The following BRCA2 variants were observed in gnomAD, a reference collection of about 807,000 sequenced individuals.
BRCA2 encodes breast cancer type 2 susceptibility protein.
A neutral mutation model predicts 276.7 loss-of-function variants in BRCA2; 203 were observed. The observed-to-expected ratio is 0.73, with a 90% CI of 0.65 to 0.82. BRCA2 has a LOEUF of 0.82. Ranked by LOEUF, BRCA2 falls within the 40% of genes least tolerant of loss-of-function variation. BRCA2 has a pLI of 0.00. For missense variants in BRCA2, 3,920 were observed against 3,915.0 expected (o/e 1.00, Z -0.03); for synonymous variants, 1,289 against 1,338.4 (o/e 0.96, Z 0.81).
intron 13 of BRCA2, among the ~76,000 whole-genome samples, chr13:32,353,470 A>T (rs61946964): frequency 1.3e-5 from 2 of 152,134 alleles, no homozygotes; most frequent in African/African-American, 4.8e-5. Flanking sequence ...GTAGAGACTA[A>T]AAGCCCTTGT....
In BRCA2 at chr13:32,356,612, A is replaced by G. The variant is rs1206148876; in HGVS notation, c.7617+3A>G. The G allele has an allele frequency of 1.2e-6, 2 of 1,613,904 alleles. No homozygotes were observed. Among genetic ancestry groups the G allele is most frequent in the Non-Finnish European group, 8.5e-7 (1 of 1,179,792 alleles). ...CCTCTGCGTGTTCTCATAAACAGGT[A>G]TGTGTTTGTCTACAATACTGATGGC... On this transcript the variant is annotated splice_donor_region_variant and intron_variant, in intron 15 of 26. Transcript: ENST00000380152.
At chr13:32,365,193 G>A (rs2072772737) in intron 18 of BRCA2, among the ~76,000 whole-genome samples, 1 of 128,112 alleles carries the variant, frequency 7.8e-6, no homozygotes, top group East Asian at 2.4e-4. Flanking sequence ...GTACAGATGA[G>A]GTCTCCCTGT....
chr13:32,398,635 C>T lies in BRCA2; in HGVS notation c.10122C>T (p.Thr3374=), dbSNP rs1555290048. Residue 3374 remains threonine, a synonymous_variant, in exon 27 of 27, where the codon ACC becomes ACT. Coordinates refer to ENST00000380152, the MANE Select transcript of BRCA2 (RefSeq NM_000059.4). ...SVSESTRTAP[T]SSEDYLRLKR... ...GTGAATCCACTAGGACTGCTCCCAC[C>T]AGTTCAGAAGATTATCTCAGACTGA... 2 of 1,614,132 alleles carry T rather than the reference C, an allele frequency of 1.2e-6. No homozygotes were observed. The highest frequency in any genetic ancestry group is 8.5e-7 in the Non-Finnish European group (1 of 1,180,020).
At chr13:32,355,708 A>AAAATAAAT (rs936530572) in intron 14 of BRCA2, among the ~76,000 whole-genome samples, 2 of 151,944 alleles carry the variant, frequency 1.3e-5, no homozygotes, top group South Asian at 2.1e-4. Flanking sequence ...CTAAAAATAC[A>AAAATAAAT]AAATAAATAA....
rs1593934753 is a variant in BRCA2, at chr13:32,376,678, A to G, written c.8641A>G (p.Thr2881Ala). ...EEFEEHEENTTKPYLPSRALT... is the reference protein window; with the variant it reads ...EEFEEHEENTAKPYLPSRALT... ...TCCTTTTGTTTTCTTAGAAAACACA[A>G]CAAAACCATATTTACCATCACGTGC... The change falls in exon 21 of 27, where the codon ACA (threonine) becomes GCA (alanine). Residue 2881 changes from threonine to alanine, a missense_variant. Thr to Ala is a moderately conservative substitution (Grantham distance 58). Coordinates refer to ENST00000380152, the MANE Select transcript of BRCA2 (RefSeq NM_000059.4). The G allele has an allele frequency of 1.2e-6, 2 of 1,614,170 alleles. No individual in the cohort carries two copies. The highest frequency in any genetic ancestry group is 1.7e-6 in the Non-Finnish European group (2 of 1,180,014).
chr13:32,360,066 T>C (rs2072728535), intron 16 of BRCA2, among the ~76,000 whole-genome samples: 1 of 152,190 alleles, frequency 6.6e-6, no homozygotes, highest in Non-Finnish European at 1.5e-5. Flanking sequence ...AGATGCGATT[T>C]TTAATCTAAT....
At chr13:32,387,080 T>C (rs748060866) in intron 24 of BRCA2, among the ~76,000 whole-genome samples, 2 of 152,102 alleles carry the variant, frequency 1.3e-5, no homozygotes, top group African/African-American at 4.8e-5. Context: ...GGTCTCCCAA[T>C]GTACATGTCT....
intron 20 of BRCA2, among the ~76,000 whole-genome samples, chr13:32,372,087 G>T (rs2072838503): frequency 6.6e-6 from 1 of 152,158 alleles, no homozygotes; most frequent in African/African-American, 2.4e-5. Context: ...ACATTGATTG[G>T]CTTTTCCTTT....
chr13:32,378,292 A>G (rs2072887321), intron 21 of BRCA2, among the ~76,000 whole-genome samples: 1 of 152,172 alleles, frequency 6.6e-6, no homozygotes, highest in Non-Finnish European at 1.5e-5. Flanking sequence ...TCCACCTTCT[A>G]TCAAGGGAAA....
At chr13:32,374,585 A>G (rs2072858306) in intron 20 of BRCA2, among the ~76,000 whole-genome samples, 1 of 152,242 alleles carries the variant, frequency 6.6e-6, no homozygotes, top group Admixed American at 6.5e-5. Context: ...GCAAAATGCC[A>G]CTAGTCTCTT....
Position 32,332,942 on chromosome 13 carries a change from A to G in BRCA2, c.1464A>G (p.Ile488Met), listed in dbSNP as rs571155346. 1 of 1,605,526 alleles carries G rather than the reference A, an allele frequency of 6.2e-7. No homozygotes were observed. The highest frequency in any genetic ancestry group is 1.3e-5 in the African/African-American group (1 of 74,406). ...TDCILAVKQA[I>M]SGTSPVASSF... ...GCATTCTTGCAGTAAAGCAGGCAAT[A>G]TCTGGAACTTCTCCAGTGGCTTCTT... The change falls in exon 10 of 27, where the codon ATA becomes ATG. Residue 488 changes from isoleucine (I) to methionine (M), a missense_variant. Ile to Met is a conservative substitution (Grantham distance 10). Transcript: ENST00000380152.
At position 32,339,705 on chromosome 13, in the gene BRCA2, A is replaced by G; in HGVS notation, c.5350A>G (p.Asn1784Asp). 1 of 1,613,508 alleles carries G rather than the reference A, an allele frequency of 6.2e-7. No homozygotes were observed. Among genetic ancestry groups the G allele is most frequent in the Non-Finnish European group, 8.5e-7 (1 of 1,179,542 alleles). Residue 1784 changes from asparagine to aspartate, a missense_variant, in exon 11 of 27, where the codon AAC becomes GAC. Physicochemically the swap from Asn to Asp is conservative, Grantham distance 23. Transcript: ENST00000380152. ...PVLKNVEDQK[N>D]TSFSKVISNV... ...ATTGAAGAATGTTGAAGATCAAAAA[A>G]ACACTAGTTTTTCCAAAGTAATATC...
In BRCA2 at chr13:32,376,181, C is replaced by CT. The variant is rs796536086; in HGVS notation, c.8633-476dup. Reference sequence around the variant, plus strand: ...ATTACTGTAATTAAACTCTGTATGACTTTTTTTTTTTTTAAACATGAGTAC... The same window carrying CT: ...ATTACTGTAATTAAACTCTGTATGACTTTTTTTTTTTTTTAAACATGAGTAC... On this transcript the variant is annotated intron_variant, in intron 20 of 26. Transcript: ENST00000380152. 5.8e-3 allele frequency among the ~76,000 whole-genome samples: 841 copies of CT among 145,480 alleles called. 4 individuals carry two copies. Among genetic ancestry groups the CT allele is most frequent in the African/African-American group, 0.019 (777 of 40,014 alleles).
chr13:32,374,980 G>T (rs376305773), intron 20 of BRCA2, among the ~76,000 whole-genome samples: 63 of 152,308 alleles, frequency 4.1e-4, no homozygotes, highest in African/African-American at 1.4e-3. Flanking sequence ...GGCTGGGGAG[G>T]CCTCAGGAAA....
At chr13:32,375,849 C>T (rs901998920) in intron 20 of BRCA2, among the ~76,000 whole-genome samples, 3 of 151,998 alleles carry the variant, frequency 2.0e-5, no homozygotes, top group East Asian at 1.9e-4. Flanking sequence ...TGTAAGCCAC[C>T]GTACCCGGCA....
chr13:32,325,134 T>A lies in BRCA2; in HGVS notation c.375T>A (p.Asp125Glu), dbSNP rs80358616. 5 of 1,609,738 alleles carry A rather than the reference T, an allele frequency of 3.1e-6. No homozygotes were observed. The highest frequency in any genetic ancestry group is 4.3e-6 in the Non-Finnish European group (5 of 1,176,310). Reference protein sequence around the residue: ...KSLRTVKTKMDQADDVSCPLL... With the variant: ...KSLRTVKTKMEQADDVSCPLL... ...TTCGCACAGTGAAAACTAAAATGGA[T>A]CAAGCAGATGATGTTTCCTGTCCAC... The change falls in exon 4 of 27, where the codon GAT becomes GAA. Residue 125 changes from aspartate to glutamate, a missense_variant. Around this residue, in one of 2 missense-constraint regions of BRCA2, gnomAD observed 3,263 missense variants for 3,156.9 expected, o/e 1.03. Transcript: ENST00000380152.
At chr13:32,382,754 A>T (rs959505881) in intron 24 of BRCA2, among the ~76,000 whole-genome samples, 2 of 152,238 alleles carry the variant, frequency 1.3e-5, no homozygotes, top group Non-Finnish European at 1.5e-5. Context: ...TGCTAATAGC[A>T]TACTGATGAG....
Position 32,332,314 on chromosome 13 carries a change from G to T in BRCA2, c.836G>T (p.Cys279Phe), listed in dbSNP as rs431825364. Residue 279 changes from cysteine to phenylalanine, a missense_variant, in exon 10 of 27, where the codon TGC becomes TTC. By Grantham distance (205) the Cys-to-Phe change is radical (BLOSUM62 -2). Around this residue, in one of 2 missense-constraint regions of BRCA2, gnomAD observed 3,263 missense variants for 3,156.9 expected, o/e 1.03. Coordinates refer to ENST00000380152, the MANE Select transcript of BRCA2 (RefSeq NM_000059.4). The part of the protein sequence containing the change: ...TSGNSFKVNS[C>F]KDHIGKSMPN... ...GGGAATTCATTTAAAGTAAATAGCT[G>T]CAAAGACCACATTGGAAAGTCAATG... 2 of 1,605,530 alleles carry T rather than the reference G, an allele frequency of 1.2e-6. No individual in the cohort carries two copies. Among genetic ancestry groups the T allele is most frequent in the Non-Finnish European group, 1.7e-6 (2 of 1,176,566 alleles).
At chr13:32,376,922 C>T (rs1340092302) in intron 21 of BRCA2, 131 bp downstream of exon 21, 3 of 1,356,544 alleles carry the variant, frequency 2.2e-6, no homozygotes, top group Non-Finnish European at 3.1e-6. Context: ...GTGTACATTT[C>T]TGGGATTTTC....
Sources: allele counts gnomAD v4.1 joint callset (sites outside exome capture counted in the v4.1 genomes callset), GRCh38; gene constraint gnomAD v4.1.1; regional missense constraint gnomAD v4.1.1; transcripts MANE v1.5; gene names NCBI Gene and HGNC (gene_info 2026-07-23, HGNC 2026-07-21).